CDC25B: variants seen among roughly 807,000 people sequenced by gnomAD.
The protein encoded by CDC25B is M-phase inducer phosphatase 2.
Under a neutral mutation model 69.8 loss-of-function variants are expected in CDC25B, and 33 were observed. The ratio of observed to expected loss-of-function variants is 0.47; its 90% CI spans 0.36 to 0.63. The LOEUF (loss-of-function observed/expected upper bound fraction) is 0.63. CDC25B is among the 30% of genes least tolerant of loss of function. The pLI is 0.00. For missense variants in CDC25B, 727 were observed against 809.1 expected, an observed-to-expected ratio of 0.90 and a Z score of 1.23; for synonymous variants, 341 against 314.6, an observed-to-expected ratio of 1.08 and a Z score of -0.89.
intron 3 of CDC25B, among the ~76,000 whole-genome samples, chr20:3,799,083 A>G (rs2089170255): frequency 6.6e-6 from 1 of 152,168 alleles, no homozygotes; most frequent in African/African-American, 2.4e-5. Flanking sequence ...GTTCCCATCC[A>G]GTTGTTAAAG....
At chr20:3,804,128 C>T (rs890226537) in intron 14 of CDC25B, among the ~76,000 whole-genome samples, 2 of 152,242 alleles carry the variant, frequency 1.3e-5, no homozygotes, top group Non-Finnish European at 2.9e-5. Flanking sequence ...GGCATCCCAG[C>T]ATATGGCACC....
At chr20:3,786,959 G>C in exon 1 of CDC25B, 1 of 482,440 alleles carries the variant, frequency 2.1e-6, no homozygotes, top group Non-Finnish European at 3.6e-6. Flanking sequence ...GCGGGGACGC[G>C]GTGCATCGCT....
rs760815699 is a variant in CDC25B at position 3,802,273 on chromosome 20, C to T, written c.1099-8C>T. On this transcript the variant is annotated splice_polypyrimidine_tract_variant and splice_region_variant and intron_variant, in intron 10 of 15. Coordinates refer to ENST00000245960, the MANE Select transcript of CDC25B (RefSeq NM_021873.4). ...CTGACCCTGGCCTCCATCTGACTCA[C>T]TTTCCAGAAAGCCCGCGTCCTCCGC... 30 of 1,610,414 alleles carry T rather than the reference C, an allele frequency of 1.9e-5. 1 individual carries two copies. The East Asian group carries it at 3.3e-4, about 18-fold the overall frequency.
chr20:3,803,315 GT>G lies in CDC25B; in HGVS notation c.1357-87del. On this transcript the variant is annotated intron_variant, in intron 13 of 15. Transcript: ENST00000245960. The surrounding 1 kb of genome is among the most constrained non-coding windows in gnomAD (Gnocchi z 4.9). ...ACGGGTGCCCCCTCTCATGGGGAGG[GT>G]TCCTACTAAGAGAAGGACAGCGACT... 6.3e-7 allele frequency: 1 copy of G among 1,588,712 alleles called. No individual in the cohort carries two copies. The highest frequency in any genetic ancestry group is 2.2e-5 in the East Asian group (1 of 44,680).
In CDC25B at chr20:3,797,755, G is replaced by A. The variant is rs372207410; in HGVS notation, c.328+6G>A. The A allele has an allele frequency of 1.2e-6, 2 of 1,613,492 alleles. No homozygotes were observed. Among genetic ancestry groups the A allele is most frequent in the Non-Finnish European group, 1.7e-6 (2 of 1,180,018 alleles). On this transcript the variant is annotated splice_donor_region_variant and intron_variant, in intron 2 of 15. Coordinates refer to ENST00000245960, the MANE Select transcript of CDC25B (RefSeq NM_021873.4). ...CTCCGAATCTTCTGATGCAGGTGAG[G>A]CCCAGGGGAGCCTGGGGAGATCTGC...
At position 3,800,846 on chromosome 20, in the gene CDC25B, C is replaced by T. The variant is rs780110600; in HGVS notation, c.563C>T (p.Ser188Phe). ...GCGGGCAGTGGAGCTGCCAGCAGCTCTGGGGAAGACAAGGAGAATGTGCGC... is the reference window on the plus strand; with the variant it reads ...GCGGGCAGTGGAGCTGCCAGCAGCTTTGGGGAAGACAAGGAGAATGTGCGC... ...SEAGSGAASS[S>F]GEDKENDGFV... is the part of the protein sequence containing the mutation. The change falls in exon 6 of 16, where the codon TCT becomes TTT. Residue 188 changes from serine to phenylalanine, a missense_variant. Around this residue, in one of 2 missense-constraint regions of CDC25B, gnomAD observed 368 missense variants for 345.6 expected, o/e 1.06. Transcript: ENST00000245960. 1 of 1,613,670 alleles carries T rather than the reference C, an allele frequency of 6.2e-7. No homozygotes were observed. Among genetic ancestry groups the T allele is most frequent in the African/African-American group, 1.3e-5 (1 of 74,926 alleles).
In CDC25B at chr20:3,803,385, C is replaced by T. The variant is rs2089358011; in HGVS notation, c.1357-19C>T. Reference sequence around the variant, plus strand: ...CTCCTGGACCCGGGGCTGTGCCTGACCTCTGGCTCCTCTGACAGACTGCGG... The same window carrying T: ...CTCCTGGACCCGGGGCTGTGCCTGATCTCTGGCTCCTCTGACAGACTGCGG... On this transcript the variant is annotated intron_variant, in intron 13 of 15. Transcript: ENST00000245960. The surrounding 1 kb of genome is among the most constrained non-coding windows in gnomAD (Gnocchi z 4.9). The T allele has an allele frequency of 6.2e-7, 1 of 1,613,916 alleles. No individual in the cohort carries two copies. The highest frequency in any genetic ancestry group is 8.5e-7 in the Non-Finnish European group (1 of 1,179,974).
intron 1 of CDC25B, among the ~76,000 whole-genome samples, chr20:3,788,079 G>A (rs2088853586): frequency 6.6e-6 from 1 of 151,876 alleles, no homozygotes; most frequent in Middle Eastern, 3.2e-3. Flanking sequence ...AGAGGTTGCA[G>A]GGAGCCAAGA....
Position 3,804,573 on chromosome 20 carries a change from C to A in CDC25B, c.1495C>A (p.Arg499Ser). 2 of 1,610,744 alleles carry A rather than the reference C, an allele frequency of 1.2e-6. No individual in the cohort carries two copies. Among genetic ancestry groups the A allele is most frequent in the Non-Finnish European group, 1.7e-6 (2 of 1,176,974 alleles). The change falls in exon 15 of 16, where the codon CGT (arginine) becomes AGT (serine). Residue 499 changes from arginine (R) to serine (S), a missense_variant. Around this residue, in one of 2 missense-constraint regions of CDC25B, gnomAD observed 359 missense variants for 463.4 expected, o/e 0.77. Transcript: ENST00000245960. The part of the protein sequence containing the change: ...FSSERGPRMC[R>S]FIRERDRAVN... ...ACCCTGCCCATGACGCCCCAGGTGCCGTTTCATCAGGGAACGAGACCGTGC... is the reference window on the plus strand; with the variant it reads ...ACCCTGCCCATGACGCCCCAGGTGCAGTTTCATCAGGGAACGAGACCGTGC...
chr20:3,799,034 T>C (rs990017282), intron 3 of CDC25B, among the ~76,000 whole-genome samples: 1 of 152,164 alleles, frequency 6.6e-6, no homozygotes, highest in Non-Finnish European at 1.5e-5. Context: ...GACCATCCCC[T>C]TGGCTGTGGG....
rs1158563910 is a variant in CDC25B, at chr20:3,797,714, C to T, written c.293C>T (p.Ser98Phe). The change falls in exon 2 of 16, where the codon TCC (serine) becomes TTC (phenylalanine). Residue 98 changes from serine to phenylalanine, a missense_variant. Coordinates refer to ENST00000245960, the MANE Select transcript of CDC25B (RefSeq NM_021873.4). ...LSLSRRASESSLSSESSESSD... is the reference protein window; with the variant it reads ...LSLSRRASESFLSSESSESSD... Reference sequence around the variant, plus strand: ...CTGTCTCGACGGGCATCCGAATCCTCCCTGTCGTCTGAATCCTCCGAATCT... The same window carrying T: ...CTGTCTCGACGGGCATCCGAATCCTTCCTGTCGTCTGAATCCTCCGAATCT... 1 of 1,614,184 alleles carries T rather than the reference C, an allele frequency of 6.2e-7. No homozygotes were observed. The highest frequency in any genetic ancestry group is 1.7e-5 in the Admixed American group (1 of 60,032).
At chr20:3,799,534 G>T (rs868817016) in intron 3 of CDC25B, among the ~76,000 whole-genome samples, 7 of 150,890 alleles carry the variant, frequency 4.6e-5, no homozygotes, top group African/African-American at 1.7e-4. Context: ...GTGCGCGCGC[G>T]CGCGTAGATG....
rs2089366085 is a variant in CDC25B at position 3,803,529 on chromosome 20, G to GC, written c.1486dup (p.Arg496ProfsTer23). On this transcript the variant is annotated frameshift_variant, in exon 14 of 16. Transcript: ENST00000245960. LOFTEE classifies it high-confidence loss of function. The surrounding 1 kb of genome is among the most constrained non-coding windows in gnomAD (Gnocchi z 4.9). ...ACTGTGAATTCTCATCTGAGCGTGG[G>GC]CCCCGCATGTGAGTCCCAGCTCCGC... 6.2e-7 allele frequency: 1 copy of GC among 1,613,838 alleles called. No homozygotes were observed. The highest frequency in any genetic ancestry group is 1.3e-5 in the African/African-American group (1 of 74,902).
chr20:3,801,683 C>T, intron 8 of CDC25B, 39 bp from the exon 9 acceptor site: 1 of 1,505,726 alleles, frequency 6.6e-7, no homozygotes, highest in South Asian at 1.3e-5. Flanking sequence ...TGGCCTATGC[C>T]TGTGGGTTGT....
chr20:3,798,587 C>G (rs11569988), intron 3 of CDC25B, 124 bp downstream of exon 3: 5 of 631,552 alleles, frequency 7.9e-6, no homozygotes, highest in Non-Finnish European at 1.3e-5. Context: ...GCTTCAGGAT[C>G]CCCATGGCCG....
rs747752716 is a variant in CDC25B, at chr20:3,804,809, G to A, written c.1603-12G>A. Reference sequence around the variant, plus strand: ...CCATTCCACTGCATTGACCCCTCCTGTCCTGCCCTAGAACTTCTGTGAACC... The same window carrying A: ...CCATTCCACTGCATTGACCCCTCCTATCCTGCCCTAGAACTTCTGTGAACC... On this transcript the variant is annotated splice_polypyrimidine_tract_variant and intron_variant, in intron 15 of 15. Coordinates refer to ENST00000245960, the MANE Select transcript of CDC25B (RefSeq NM_021873.4). The A allele has an allele frequency of 7.4e-6, 12 of 1,613,948 alleles. No homozygotes were observed. Among genetic ancestry groups the A allele is most frequent in the Middle Eastern group, 1.6e-4 (1 of 6,080 alleles).
At position 3,803,377 on chromosome 20, in the gene CDC25B, G is replaced by A; in HGVS notation, c.1357-27G>A. The A allele has an allele frequency of 6.2e-7, 1 of 1,613,986 alleles. No individual in the cohort carries two copies. The highest frequency in any genetic ancestry group is 1.7e-4 in the Middle Eastern group (1 of 6,058). On this transcript the variant is annotated intron_variant, in intron 13 of 15. Coordinates refer to ENST00000245960, the MANE Select transcript of CDC25B (RefSeq NM_021873.4). This position sits in a 1 kb window ranked among gnomAD's most constrained non-coding sequence, Gnocchi z 4.9. ...GGCCCTGACTCCTGGACCCGGGGCT[G>A]TGCCTGACCTCTGGCTCCTCTGACA...
chr20:3,802,240 G>A, intron 10 of CDC25B, 41 bp from the exon 11 acceptor site: 1 of 1,572,520 alleles, frequency 6.4e-7, no homozygotes, highest in Non-Finnish European at 8.7e-7. Flanking sequence ...CTGGGGGGCA[G>A]CCCCACCCTG....
rs911488245 is a variant in CDC25B, at chr20:3,796,329, G to T, written c.-203G>T. On this transcript the variant is annotated 5_prime_UTR_variant, in exon 1 of 16. Coordinates refer to ENST00000245960, the MANE Select transcript of CDC25B (RefSeq NM_021873.4). ...GCAACTAGAGGCTTCCCTGGCTGGT[G>T]CCTGAGCCCGGCGTCCCTCGCCCCC... 1.5e-6 allele frequency: 2 copies of T among 1,326,216 alleles called. No homozygotes were observed. Among genetic ancestry groups the T allele is most frequent in the Admixed American group, 4.0e-5 (1 of 24,910 alleles). 82.2% of individuals were successfully genotyped at this position (1,326,216 alleles called of 1,614,324 possible). A position where few individuals can be genotyped will look rare whatever the true frequency, so the allele number is the denominator to read the frequency against.
Sources: allele counts gnomAD v4.1 joint callset (sites outside exome capture counted in the v4.1 genomes callset), GRCh38; gene constraint gnomAD v4.1.1; regional missense constraint gnomAD v4.1.1; non-coding constraint Gnocchi (gnomAD v3.1); transcripts MANE v1.5; gene names NCBI Gene and HGNC (gene_info 2026-07-23, HGNC 2026-07-21).